Variants in GCNT4 observed in about 807,000 individuals in gnomAD.
The protein encoded by GCNT4 is beta-1,3-galactosyl-O-glycosyl-glycoprotein beta-1,6-N-acetylglucosaminyltransferase 4.
In GCNT4, 17 loss-of-function variants were observed where a neutral mutation model predicts 31.3. That is an observed-to-expected ratio of 0.54 (90% confidence interval 0.37 to 0.81). The LOEUF (loss-of-function observed/expected upper bound fraction) is 0.81, where lower values mean the gene tolerates loss of function less well. GCNT4 is among the 40% of genes least tolerant of loss of function. The probability of loss-of-function intolerance (pLI) is 0.00; values close to 1 mark genes in which losing one functional copy is unlikely to be tolerated. For synonymous variants in GCNT4, 158 were observed against 190.6 expected, an observed-to-expected ratio of 0.83 and a Z score of 1.41; for missense variants, 503 against 525.5, an observed-to-expected ratio of 0.96 and a Z score of 0.42.
chr5:75,045,688 G>C (rs1743422046), intron 3 of GCNT4, among the ~76,000 whole-genome samples: 2 of 152,220 alleles, frequency 1.3e-5, no homozygotes, highest in South Asian at 4.1e-4. Flanking sequence ...TTCTATCCTG[G>C]TTGCCCATCC....
In GCNT4 at chr5:75,026,647, CAAAAAAAA is replaced by C. The variant is rs547466422; in HGVS notation, c.*2021_*2028del. ...CATATACTATTTCAATCGATTCTCA[CAAAAAAAA>C]AAAAAAAAAAAAAAAAACACTTGTG... On this transcript the variant is annotated 3_prime_UTR_variant, in exon 4 of 4. Coordinates refer to ENST00000652361, the MANE Select transcript of GCNT4 (RefSeq NM_001366737.1). The C allele has an allele frequency of 3.0e-5, 2 of 65,802 alleles. No individual in the cohort carries two copies. The highest frequency in any genetic ancestry group is 1.9e-4 in the Admixed American group (1 of 5,250). 4.1% of individuals were successfully genotyped at this position (65,802 alleles called of 1,614,324 possible).
chr5:75,048,414 G>A (rs903388900), intron 2 of GCNT4, among the ~76,000 whole-genome samples: 1 of 152,178 alleles, frequency 6.6e-6, no homozygotes, highest in Non-Finnish European at 1.5e-5. Context: ...CTGGTTCATG[G>A]AGAATTGTGG....
intron 3 of GCNT4, among the ~76,000 whole-genome samples, chr5:75,040,850 T>C (rs1743300702): frequency 6.6e-6 from 1 of 152,242 alleles, no homozygotes; most frequent in Admixed American, 6.5e-5. Context: ...TGTTAATATC[T>C]GGAGTATAAA....
chr5:75,038,340 C>T (rs997205371), intron 3 of GCNT4, among the ~76,000 whole-genome samples: 13 of 152,212 alleles, frequency 8.5e-5, no homozygotes, highest in Middle Eastern at 6.8e-3. Flanking sequence ...AATATTAAAA[C>T]GGAAAATAAC....
intron 3 of GCNT4, among the ~76,000 whole-genome samples, chr5:75,033,260 T>A (rs897445918): frequency 3.9e-5 from 6 of 152,156 alleles, no homozygotes; most frequent in African/African-American, 1.4e-4. Context: ...TGAGAAGGCC[T>A]GGGGCACACA....
intron 3 of GCNT4, among the ~76,000 whole-genome samples, chr5:75,036,906 T>C (rs1743212238): frequency 6.6e-6 from 1 of 152,228 alleles, no homozygotes; most frequent in African/African-American, 2.4e-5. Context: ...GCACAGAGAA[T>C]TGCTAATTGT....
At chr5:75,018,242 T>C in the GCNT4 span, among the ~76,000 whole-genome samples, 1 of 152,182 alleles carries the variant, frequency 6.6e-6, no homozygotes, top group East Asian at 1.9e-4. Context: ...ATGTTGTGCC[T>C]GCTGTGAGTC....
chr5:75,053,800 C>G (rs1004068730), upstream of GCNT4, among the ~76,000 whole-genome samples: 3 of 152,156 alleles, frequency 2.0e-5, no homozygotes, highest in Non-Finnish European at 4.4e-5. Context: ...ACAAAGTTCT[C>G]AGGCGCGCGC....
At chr5:75,020,295 A>C in the GCNT4 span, among the ~76,000 whole-genome samples, 5 of 152,200 alleles carry the variant, frequency 3.3e-5, no homozygotes, top group Admixed American at 3.3e-4. Flanking sequence ...ATGGCACGGC[A>C]CAGCTTGCGT....
chr5:75,018,807 A>G, the GCNT4 span, among the ~76,000 whole-genome samples: 2 of 152,188 alleles, frequency 1.3e-5, no homozygotes, highest in Admixed American at 6.5e-5. Context: ...GCAAGAGGCA[A>G]AAGGAATGAA....
intron 3 of GCNT4, among the ~76,000 whole-genome samples, chr5:75,032,602 T>TC (rs1404324390): frequency 6.6e-6 from 1 of 152,218 alleles, no homozygotes; most frequent in African/African-American, 2.4e-5. Flanking sequence ...CTTTGCTGCA[T>TC]CAGCACCCAG....
Position 75,028,243 on chromosome 5 carries a change from ACACTACTCTG to A in GCNT4, c.*423_*432del. On this transcript the variant is annotated 3_prime_UTR_variant, in exon 4 of 4. Coordinates refer to ENST00000652361, the MANE Select transcript of GCNT4 (RefSeq NM_001366737.1). Reference sequence around the variant, plus strand: ...GTGGAGTGTTGGTCACAGTACTTAAACACTACTCTGAAATGGGTGGTTTATATGATCAGAC... The same window carrying A: ...GTGGAGTGTTGGTCACAGTACTTAAAAAATGGGTGGTTTATATGATCAGAC... The A allele has an allele frequency of 1.8e-5, 3 of 162,274 alleles. No individual in the cohort carries two copies. The highest frequency in any genetic ancestry group is 1.8e-4 in the East Asian group (1 of 5,474). 10.1% of individuals were successfully genotyped at this position (162,274 alleles called of 1,614,324 possible). A position where few individuals can be genotyped will look rare whatever the true frequency, so the allele number is the denominator to read the frequency against.
downstream of GCNT4, among the ~76,000 whole-genome samples, chr5:75,021,536 G>A (rs1165024101): frequency 6.6e-6 from 1 of 152,184 alleles, no homozygotes; most frequent in African/African-American, 2.4e-5. Context: ...AGAAACACTA[G>A]CCACCCTTAT....
chr5:75,034,611 G>A (rs1384742340), intron 3 of GCNT4, among the ~76,000 whole-genome samples: 1 of 152,220 alleles, frequency 6.6e-6, no homozygotes, highest in African/African-American at 2.4e-5. Flanking sequence ...GGGAGAAGCG[G>A]TATTTCCCCT....
At chr5:75,025,091 T>G (rs2149944698), downstream of GCNT4, among the ~76,000 whole-genome samples, 1 of 152,270 alleles carries the variant, frequency 6.6e-6, no homozygotes, top group Admixed American at 6.5e-5. Flanking sequence ...AGTATTTATC[T>G]TATTAATCTT....
chr5:75,020,674 G>A (rs562210583), downstream of GCNT4, among the ~76,000 whole-genome samples: 4 of 152,154 alleles, frequency 2.6e-5, no homozygotes, highest in East Asian at 1.9e-4. Flanking sequence ...TGGCATAGTC[G>A]TGGCCGTGGA....
rs906345809 is a variant in GCNT4, at chr5:75,026,659, A to AC, written c.*2016_*2017insG. The stretch of plus-strand genomic sequence containing the variant: ...CAATCGATTCTCACAAAAAAAAAAA[A>AC]AAAAAAAAAAAAACACTTGTGTGGA... On this transcript the variant is annotated 3_prime_UTR_variant, in exon 4 of 4. Coordinates refer to ENST00000652361, the MANE Select transcript of GCNT4 (RefSeq NM_001366737.1). The AC allele has an allele frequency of 2.0e-5, 3 of 151,076 alleles. No homozygotes were observed. The highest frequency in any genetic ancestry group is 7.3e-5 in the African/African-American group (3 of 41,164). The allele number at this position is 151,076 out of a possible 1,614,324, so 9.4% of individuals were successfully genotyped here. A position where few individuals can be genotyped will look rare whatever the true frequency, so the allele number is the denominator to read the frequency against.
At chr5:75,051,893 T>C (rs1743579139) in intron 2 of GCNT4, among the ~76,000 whole-genome samples, 1 of 152,244 alleles carries the variant, frequency 6.6e-6, no homozygotes, top group Non-Finnish European at 1.5e-5. Context: ...TCCTTGGCTA[T>C]TGTTTCTCTC....
At chr5:75,032,618 G>C (rs909384742) in intron 3 of GCNT4, among the ~76,000 whole-genome samples, 5 of 152,170 alleles carry the variant, frequency 3.3e-5, no homozygotes, top group African/African-American at 1.2e-4. Flanking sequence ...CCCAGGTTAA[G>C]AGACTCCTGG....
Sources: allele counts gnomAD v4.1 joint callset (sites outside exome capture counted in the v4.1 genomes callset), GRCh38; gene constraint gnomAD v4.1.1; transcripts MANE v1.5; gene names NCBI Gene and HGNC (gene_info 2026-07-23, HGNC 2026-07-21).